The following SHROOM4 variants were observed in gnomAD, a reference collection of about 807,000 sequenced individuals.
The protein encoded by SHROOM4 is protein Shroom4.
A neutral mutation model predicts 80.3 loss-of-function variants in SHROOM4; 17 were observed. The observed-to-expected ratio is 0.21, with a 90% confidence interval of 0.14 to 0.32. The LOEUF is 0.32. SHROOM4 is among the 10% of genes least tolerant of loss of function. The pLI is 1.00. For synonymous variants in SHROOM4, 400 were observed against 437.5 expected, an observed-to-expected ratio of 0.91 and a Z score of 1.07; for missense variants, 993 against 1,140.3, an observed-to-expected ratio of 0.87 and a Z score of 1.86.
intron 2 of SHROOM4, among the ~76,000 whole-genome samples, chrX:50,689,794 T>C (rs903251296): frequency 1.8e-5 from 2 of 112,196 alleles, no homozygotes; most frequent in Non-Finnish European, 3.8e-5. Flanking sequence ...TTTTAAAAAT[T>C]ATTTTAATAC....
At chrX:50,671,683 G>C (rs782394527) in intron 2 of SHROOM4, among the ~76,000 whole-genome samples, 12 of 112,717 alleles carry the variant, frequency 1.1e-4, no homozygotes, top group Non-Finnish European at 1.5e-4. Flanking sequence ...TTGGCTAAGG[G>C]AATGTTGTGG....
At chrX:50,660,531 TCCCTCC>T (rs1932462185) in intron 2 of SHROOM4, among the ~76,000 whole-genome samples, 1 of 46,026 alleles carries the variant, frequency 2.2e-5, no homozygotes, top group African/African-American at 1.2e-4. Context: ...TCTCTCTCCC[TCCCTCC>T]CTCCCTCCCT....
At chrX:50,805,103 A>G (rs1025026988) in intron 1 of SHROOM4, among the ~76,000 whole-genome samples, 7 of 111,532 alleles carry the variant, frequency 6.3e-5, no homozygotes, top group Non-Finnish European at 1.3e-4. Flanking sequence ...AAACACAAAC[A>G]AAAAGAAATG....
intron 2 of SHROOM4, among the ~76,000 whole-genome samples, chrX:50,660,048 T>C (rs1306141659): frequency 8.9e-6 from 1 of 112,424 alleles, no homozygotes; most frequent in African/African-American, 3.2e-5. Flanking sequence ...TTGTGATTAA[T>C]ACCTTTTTAC....
intron 1 of SHROOM4, among the ~76,000 whole-genome samples, chrX:50,780,636 A>G (rs930520272): frequency 9.0e-6 from 1 of 111,625 alleles, no homozygotes; most frequent in South Asian, 3.8e-4. Context: ...ATTGATAAAA[A>G]CTAGGACTGT....
At chrX:50,679,786 A>G (rs906183974) in intron 2 of SHROOM4, among the ~76,000 whole-genome samples, 1 of 111,944 alleles carries the variant, frequency 8.9e-6, no homozygotes, top group Non-Finnish European at 1.9e-5. Context: ...CAGACACTGG[A>G]ACTTATTCCT....
intron 1 of SHROOM4, among the ~76,000 whole-genome samples, chrX:50,701,843 T>A (rs1557263554): frequency 1.8e-5 from 2 of 110,816 alleles, no homozygotes; most frequent in African/African-American, 6.6e-5. Context: ...TGGGCAAAAA[T>A]TTTTTAAGCA....
intron 1 of SHROOM4, among the ~76,000 whole-genome samples, chrX:50,763,439 C>A (rs1233937989): frequency 9.0e-6 from 1 of 111,173 alleles, no homozygotes; most frequent in Non-Finnish European, 1.9e-5. Flanking sequence ...TATTCTGTTT[C>A]TTTGCATGTT....
intron 1 of SHROOM4, among the ~76,000 whole-genome samples, chrX:50,696,400 G>T (rs192329196): frequency 1.8e-5 from 2 of 110,527 alleles, no homozygotes; most frequent in East Asian, 5.7e-4. Flanking sequence ...CTTCCTAGCT[G>T]TGTGACCCTT....
At chrX:50,694,368 C>G (rs1290398613) in intron 2 of SHROOM4, among the ~76,000 whole-genome samples, 2 of 105,553 alleles carry the variant, frequency 1.9e-5, no homozygotes, top group East Asian at 5.9e-4. Flanking sequence ...TTACCAGCAT[C>G]TGTTTTTTTT....
At chrX:50,642,123 T>C (rs1931624952) in intron 2 of SHROOM4, among the ~76,000 whole-genome samples, 1 of 112,654 alleles carries the variant, frequency 8.9e-6, no homozygotes, top group South Asian at 3.7e-4. Context: ...TTTGGCCTAT[T>C]ATTAGCTCGG....
At position 50,634,481 on chromosome X, in the gene SHROOM4, C is replaced by G. The variant is rs1557255209; in HGVS notation, c.1592G>C (p.Gly531Ala). ...GTCCGTGGCTTGTTGAACAAGGGAGCCAGAGGCAGAGGGTTGCTGGTTGGC... is the reference window on the plus strand; with the variant it reads ...GTCCGTGGCTTGTTGAACAAGGGAGGCAGAGGCAGAGGGTTGCTGGTTGGC... ...ELANQQPSAS[G>A]SLVQQATDCS... The change falls in exon 4 of 9, where the codon GGC (glycine) becomes GCC (alanine). Residue 531 changes from glycine to alanine, a missense_variant. Gly to Ala is a moderately conservative substitution (Grantham distance 60, BLOSUM62 0). Coordinates refer to ENST00000376020, the MANE Select transcript of SHROOM4 (RefSeq NM_020717.5). 1 of 1,211,514 alleles carries G rather than the reference C, an allele frequency of 8.3e-7. No homozygotes were observed. The highest frequency in any genetic ancestry group is 2.2e-5 in the Admixed American group (1 of 46,007).
chrX:50,738,434 C>T (rs188387398), intron 1 of SHROOM4, among the ~76,000 whole-genome samples: 26 of 111,453 alleles, frequency 2.3e-4, no homozygotes, highest in African/African-American at 7.2e-4. Context: ...AAAACCCCAT[C>T]GTCTCAGCCC....
intron 1 of SHROOM4, among the ~76,000 whole-genome samples, chrX:50,774,876 A>T (rs1304242451): frequency 1.8e-5 from 2 of 111,974 alleles, no homozygotes; most frequent in East Asian, 2.8e-4. Flanking sequence ...TGAGCACTGG[A>T]TTCTACATGC....
intron 1 of SHROOM4, among the ~76,000 whole-genome samples, chrX:50,728,785 C>G (rs1209872766): frequency 8.9e-6 from 1 of 111,765 alleles, no homozygotes; most frequent in Non-Finnish European, 1.9e-5. Flanking sequence ...CAAATACATG[C>G]AAAAGTAAAG....
intron 2 of SHROOM4, among the ~76,000 whole-genome samples, chrX:50,689,120 A>G (rs1445179693): frequency 9.0e-6 from 1 of 111,729 alleles, no homozygotes; most frequent in Admixed American, 9.5e-5. Flanking sequence ...AATGTTTGAG[A>G]TAATAGATAT....
chrX:50,691,429 G>T (rs782026852), intron 2 of SHROOM4, among the ~76,000 whole-genome samples: 1 of 111,575 alleles, frequency 9.0e-6, no homozygotes, highest in Non-Finnish European at 1.9e-5. Flanking sequence ...GAGACTGAAA[G>T]CTGAGAAGCC....
chrX:50,725,614 A>C (rs1934226715), intron 1 of SHROOM4, among the ~76,000 whole-genome samples: 1 of 112,157 alleles, frequency 8.9e-6, no homozygotes, highest in African/African-American at 3.2e-5. Flanking sequence ...TGACAGTTTT[A>C]AAGTGGGGCA....
At chrX:50,782,657 A>C (rs1320226202) in intron 1 of SHROOM4, among the ~76,000 whole-genome samples, 1 of 112,415 alleles carries the variant, frequency 8.9e-6, no homozygotes, top group African/African-American at 3.2e-5. Flanking sequence ...CGATACACAC[A>C]ATGGGATAGT....
Sources: gnomAD v4.1 joint callset for allele counts (sites outside exome capture counted in the v4.1 genomes callset) on GRCh38, gnomAD v4.1.1 for gene constraint, MANE v1.5 for transcripts, NCBI Gene and HGNC (gene_info 2026-07-23, HGNC 2026-07-21) for gene names.